The following CNTNAP2 variants were observed in gnomAD, a reference collection of about 807,000 sequenced individuals.
CNTNAP2 encodes the protein contactin associated protein 2, also known as contactin-associated protein-like 2.
In CNTNAP2, 98 loss-of-function variants were observed where a neutral mutation model predicts 155.2. The observed-to-expected ratio is 0.63, with a 90% CI of 0.54 to 0.75. The LOEUF (loss-of-function observed/expected upper bound fraction) is 0.75. Among genes scored for constraint, CNTNAP2 ranks in the 30% least tolerant of loss-of-function variants. The pLI is 0.00. For synonymous variants in CNTNAP2, 651 were observed against 631.2 expected, an observed-to-expected ratio of 1.03 and a Z score of -0.47; for missense variants, 1,727 against 1,688.1, an observed-to-expected ratio of 1.02 and a Z score of -0.40.
At chr7:146,409,652 C>T (rs148829187) in intron 1 of CNTNAP2, among the ~76,000 whole-genome samples, 84 of 152,238 alleles carry the variant, frequency 5.5e-4, no homozygotes, top group African/African-American at 1.9e-3. Context: ...CTAATTTTCT[C>T]ACCTTCCCAA....
chr7:146,480,714 A>T (rs1796947587), intron 1 of CNTNAP2, among the ~76,000 whole-genome samples: 1 of 133,716 alleles, frequency 7.5e-6, no homozygotes, highest in African/African-American at 2.8e-5. Flanking sequence ...TTTTAGACAG[A>T]GTCTTGCTCT....
intron 18 of CNTNAP2, among the ~76,000 whole-genome samples, chr7:148,194,031 C>T (rs4236491): frequency 0.41 from 61,006 of 150,584 alleles, 13,564 homozygotes; most frequent in Non-Finnish European, 0.48. Context: ...AGTGCAGTGG[C>T]GCAATCAGGG....
intron 8 of CNTNAP2, among the ~76,000 whole-genome samples, chr7:147,195,353 G>C (rs538355726): frequency 6.6e-6 from 1 of 152,140 alleles, no homozygotes; most frequent in South Asian, 2.1e-4. Context: ...GTTAGGTAGC[G>C]TGATGCCTCC....
chr7:146,892,222 T>C (rs1795792937), intron 3 of CNTNAP2, among the ~76,000 whole-genome samples: 1 of 152,160 alleles, frequency 6.6e-6, no homozygotes, highest in Non-Finnish European at 1.5e-5. Flanking sequence ...TCTGGGGCCT[T>C]ACTTTCTCCT....
In CNTNAP2 at chr7:146,818,524, T is replaced by TGCAAACCCC. The variant is rs1381490069; in HGVS notation, c.209-21187_209-21186insGCAAACCCC. On this transcript the variant is annotated intron_variant, in intron 2 of 23. Transcript: ENST00000361727. ...TTGCAACCTTTAGGGGTCTTTTGTT[T>TGCAAACCCC]TAAATACCTCCATGGAAAAAGAAAG... Among the ~76,000 whole-genome samples, 205 of 152,230 alleles carry TGCAAACCCC rather than the reference T, an allele frequency of 1.3e-3. 1 individual carries two copies. Among genetic ancestry groups the TGCAAACCCC allele is most frequent in the African/African-American group, 4.7e-3 (194 of 41,542 alleles).
intron 2 of CNTNAP2, among the ~76,000 whole-genome samples, chr7:146,796,729 C>G (rs1802775970): frequency 6.6e-6 from 1 of 152,098 alleles, no homozygotes; most frequent in South Asian, 2.1e-4. Context: ...ACTTCCTTAT[C>G]TATACCATGG....
chr7:148,120,242 T>A lies in CNTNAP2; in HGVS notation c.2554+1954T>A, dbSNP rs145781106. Among the ~76,000 whole-genome samples, 14 of 147,698 alleles carry A rather than the reference T, an allele frequency of 9.5e-5. No homozygotes were observed. The East Asian group carries it at 2.8e-3, about 29-fold the overall frequency. ...AGGTGTTTCTACTCAGCCCTCGGGG[T>A]CAAAGAATTTCTCTACTTTCTTCTA... On this transcript the variant is annotated intron_variant, in intron 16 of 23. Transcript: ENST00000361727.
chr7:148,404,885 A>G (rs1163654431), intron 22 of CNTNAP2, among the ~76,000 whole-genome samples: 1 of 152,170 alleles, frequency 6.6e-6, no homozygotes, highest in African/African-American at 2.4e-5. Flanking sequence ...CCTCTTCAAC[A>G]TTCAGATGCT....
chr7:147,506,399 G>A (rs1798907200), intron 11 of CNTNAP2, among the ~76,000 whole-genome samples: 1 of 152,076 alleles, frequency 6.6e-6, no homozygotes, highest in African/African-American at 2.4e-5. Flanking sequence ...GGGATTACAG[G>A]CATGCACCAC....
chr7:147,540,958 ATTAT>A (rs1799628554), intron 11 of CNTNAP2, among the ~76,000 whole-genome samples: 1 of 152,226 alleles, frequency 6.6e-6, no homozygotes, highest in Non-Finnish European at 1.5e-5. Context: ...AGAAATAGCA[ATTAT>A]ATTTAATGTA....
intron 8 of CNTNAP2, among the ~76,000 whole-genome samples, chr7:147,143,291 T>G (rs1801637894): frequency 6.6e-6 from 1 of 152,184 alleles, no homozygotes; most frequent in Admixed American, 6.6e-5. Flanking sequence ...CAACAATCTT[T>G]CATGAACCCC....
Position 146,116,880 on chromosome 7 carries a change from C to A in CNTNAP2, c.4C>A (p.Gln2Lys). M[Q>K]AAPRAGCGAA... is the part of the protein sequence containing the mutation. Reference sequence around the variant, plus strand: ...GCCGCCGGCCGGGAGGCGAAGGATGCAGGCGGCTCCGCGCGCCGGCTGCGG... The same window carrying A: ...GCCGCCGGCCGGGAGGCGAAGGATGAAGGCGGCTCCGCGCGCCGGCTGCGG... The change falls in exon 1 of 24, where the codon CAG becomes AAG. Residue 2 changes from glutamine to lysine, a missense_variant. Coordinates refer to ENST00000361727, the MANE Select transcript of CNTNAP2 (RefSeq NM_014141.6). This position sits in a 1 kb window ranked among gnomAD's most constrained non-coding sequence, Gnocchi z 5.5. 1 of 1,544,916 alleles carries A rather than the reference C, an allele frequency of 6.5e-7. No homozygotes were observed. Among genetic ancestry groups the A allele is most frequent in the Non-Finnish European group, 8.7e-7 (1 of 1,143,246 alleles).
At chr7:148,014,805 C>T (rs1802146322) in intron 15 of CNTNAP2, among the ~76,000 whole-genome samples, 1 of 152,160 alleles carries the variant, frequency 6.6e-6, no homozygotes, top group South Asian at 2.1e-4. Context: ...AGCAATCCAG[C>T]GGAACCAACT....
intron 8 of CNTNAP2, among the ~76,000 whole-genome samples, chr7:147,237,323 T>A (rs1028497601): frequency 6.6e-6 from 1 of 152,182 alleles, no homozygotes; most frequent in African/African-American, 2.4e-5. Flanking sequence ...TTCACCTGCC[T>A]TGGCCTCCCA....
At chr7:147,536,775 G>A (rs1186132948) in intron 11 of CNTNAP2, among the ~76,000 whole-genome samples, 1 of 152,108 alleles carries the variant, frequency 6.6e-6, no homozygotes, top group Non-Finnish European at 1.5e-5. Context: ...GCTGCTTGAT[G>A]CAATCACTTT....
At chr7:147,809,389 T>C (rs1391257485) in intron 13 of CNTNAP2, among the ~76,000 whole-genome samples, 1 of 152,150 alleles carries the variant, frequency 6.6e-6, no homozygotes, top group African/African-American at 2.4e-5. Flanking sequence ...CTCACAATAA[T>C]AGTGAAAGGT....
intron 13 of CNTNAP2, among the ~76,000 whole-genome samples, chr7:147,641,912 T>C (rs1383620550): frequency 6.6e-6 from 1 of 152,024 alleles, no homozygotes; most frequent in Non-Finnish European, 1.5e-5. Flanking sequence ...TACAATGGGG[T>C]TCCAAGTGAT....
intron 3 of CNTNAP2, among the ~76,000 whole-genome samples, chr7:146,845,411 A>G (rs1410116621): frequency 1.3e-5 from 2 of 152,214 alleles, no homozygotes; most frequent in Non-Finnish European, 2.9e-5. Flanking sequence ...TCTGTTCCTG[A>G]AATCCTAATC....
intron 1 of CNTNAP2, among the ~76,000 whole-genome samples, chr7:146,150,857 A>C (rs902415929): frequency 1.3e-5 from 2 of 152,062 alleles, no homozygotes; most frequent in Non-Finnish European, 2.9e-5. Flanking sequence ...TTTAAGATTT[A>C]CTCTCTTATT....
Sources: gnomAD v4.1 joint callset for allele counts (sites outside exome capture counted in the v4.1 genomes callset) on GRCh38, gnomAD v4.1.1 for gene constraint, Gnocchi (gnomAD v3.1) non-coding constraint, MANE v1.5 for transcripts, NCBI Gene and HGNC (gene_info 2026-07-23, HGNC 2026-07-21) for gene names.